OSBPL6: variants seen among roughly 807,000 people sequenced by gnomAD.
OSBPL6 encodes oxysterol binding protein like 6.
Under a neutral mutation model 125.8 loss-of-function variants are expected in OSBPL6, and 49 were observed. The ratio of observed to expected loss-of-function variants is 0.39; its 90% CI spans 0.31 to 0.49. The LOEUF (loss-of-function observed/expected upper bound fraction) is 0.49, where lower values mean the gene tolerates loss of function less well. Ranked by LOEUF, OSBPL6 falls within the 20% of genes least tolerant of loss-of-function variation. The pLI, the probability that OSBPL6 is intolerant of heterozygous loss-of-function variation, is 0.88. For synonymous variants in OSBPL6, 394 were observed against 391.8 expected (o/e 1.01, Z -0.07); for missense variants, 986 against 1,135.4 (o/e 0.87, Z 1.89).
chr2:178,304,258 C>T (rs1278708458), intron 2 of OSBPL6, among the ~76,000 whole-genome samples: 1 of 152,084 alleles, frequency 6.6e-6, no homozygotes, highest in East Asian at 1.9e-4. Flanking sequence ...TAAAGACATA[C>T]CCAAGAGCAC....
At chr2:178,214,674 G>C (rs577454681) in intron 1 of OSBPL6, among the ~76,000 whole-genome samples, 21 of 152,136 alleles carry the variant, frequency 1.4e-4, no homozygotes, top group Non-Finnish European at 2.4e-4. Flanking sequence ...AACCAGGCAC[G>C]GTGGCTCATG....
At chr2:178,305,669 C>A (rs1054564193) in intron 2 of OSBPL6, among the ~76,000 whole-genome samples, 4 of 152,152 alleles carry the variant, frequency 2.6e-5, no homozygotes, top group African/African-American at 9.7e-5. Context: ...AAACATGGAC[C>A]GAGCTCTTAT....
intron 4 of OSBPL6, among the ~76,000 whole-genome samples, chr2:178,325,486 T>A (rs1390436134): frequency 1.3e-5 from 2 of 152,298 alleles, no homozygotes; most frequent in African/African-American, 4.8e-5. Flanking sequence ...ACATAAGTGG[T>A]CTGACTTCCA....
chr2:178,306,728 T>C (rs147622104), intron 3 of OSBPL6, among the ~76,000 whole-genome samples: 2 of 152,328 alleles, frequency 1.3e-5, no homozygotes, highest in African/African-American at 4.8e-5. Flanking sequence ...AGGAATTAGG[T>C]TACAGATAAA....
chr2:178,388,864 A>G (rs1695168141), intron 20 of OSBPL6, 145 bp from the exon 21 acceptor site: 1 of 849,924 alleles, frequency 1.2e-6, no homozygotes, highest in South Asian at 2.0e-5. Context: ...TAAATACTTA[A>G]TGACCACAGA....
chr2:178,392,027 C>T (rs971024474), intron 22 of OSBPL6, among the ~76,000 whole-genome samples: 13 of 152,258 alleles, frequency 8.5e-5, no homozygotes, highest in Middle Eastern at 3.4e-3. Flanking sequence ...TTTAGGTCTG[C>T]ATATTTTTCT....
chr2:178,310,683 C>T (rs1325662215), intron 3 of OSBPL6, among the ~76,000 whole-genome samples: 1 of 152,088 alleles, frequency 6.6e-6, no homozygotes, highest in Non-Finnish European at 1.5e-5. Context: ...TCCCAAAGTG[C>T]GGGGATTACA....
At chr2:178,336,666 G>C (rs1162570080) in intron 9 of OSBPL6, among the ~76,000 whole-genome samples, 1 of 152,100 alleles carries the variant, frequency 6.6e-6, no homozygotes, top group African/African-American at 2.4e-5. Context: ...GTTGAATCTG[G>C]TTCTTGCCTT....
chr2:178,395,259 T>C (rs1695753711), intron 24 of OSBPL6, among the ~76,000 whole-genome samples, 192 bp from the exon 25 acceptor site: 1 of 152,176 alleles, frequency 6.6e-6, no homozygotes, highest in Non-Finnish European at 1.5e-5. Context: ...CCTACTTCCA[T>C]TTCACACATT....
At chr2:178,259,158 T>C (rs148011238) in intron 1 of OSBPL6, among the ~76,000 whole-genome samples, 1 of 152,294 alleles carries the variant, frequency 6.6e-6, no homozygotes, top group East Asian at 1.9e-4. Flanking sequence ...GCTGAGTCAT[T>C]GGCTAATATA....
chr2:178,392,572 A>G (rs1313841765), intron 23 of OSBPL6, 34 bp downstream of exon 23: 3 of 1,609,534 alleles, frequency 1.9e-6, no homozygotes, highest in Non-Finnish European at 2.5e-6. Context: ...TATGCAGACT[A>G]TGGCTGGGTG....
chr2:178,366,317 T>C (rs988604954), intron 13 of OSBPL6, among the ~76,000 whole-genome samples: 1 of 152,226 alleles, frequency 6.6e-6, no homozygotes, highest in African/African-American at 2.4e-5. Flanking sequence ...CTATCTTGAA[T>C]ACATTACATT....
chr2:178,352,705 G>A (rs917453933), intron 12 of OSBPL6, among the ~76,000 whole-genome samples: 3 of 152,172 alleles, frequency 2.0e-5, no homozygotes, highest in Non-Finnish European at 4.4e-5. Context: ...AGACTTAAAC[G>A]TCCCTGTCTG....
chr2:178,232,097 C>A (rs1207780843), intron 1 of OSBPL6, among the ~76,000 whole-genome samples: 2 of 152,052 alleles, frequency 1.3e-5, no homozygotes, highest in Non-Finnish European at 2.9e-5. Context: ...TCTCACTTAG[C>A]CAAAATAATA....
At chr2:178,344,349 G>A in intron 11 of OSBPL6, 1 of 1,614,194 alleles carries the variant, frequency 6.2e-7, no homozygotes, top group South Asian at 1.1e-5. Flanking sequence ...AGCGGCAGCA[G>A]TGGCTACAAC....
intron 14 of OSBPL6, among the ~76,000 whole-genome samples, chr2:178,372,596 G>A (rs1693497667): frequency 6.6e-6 from 1 of 151,714 alleles, no homozygotes; most frequent in Non-Finnish European, 1.5e-5. Context: ...AATTAGCTGA[G>A]AAGTTGCCAA....
intron 11 of OSBPL6, among the ~76,000 whole-genome samples, chr2:178,344,085 T>G (rs1481812799): frequency 6.6e-6 from 1 of 152,174 alleles, no homozygotes; most frequent in Non-Finnish European, 1.5e-5. Context: ...CAAATAGAAT[T>G]CAGATGTTTG....
intron 1 of OSBPL6, among the ~76,000 whole-genome samples, chr2:178,243,841 T>C (rs781576033): frequency 3.9e-5 from 6 of 152,028 alleles, no homozygotes; most frequent in Non-Finnish European, 8.8e-5. Context: ...TTAGTAGAGA[T>C]GGGGTTTCAC....
Position 178,383,283 on chromosome 2 carries a change from AAAT to A in OSBPL6, c.1875+9_1875+11del. The A allele has an allele frequency of 1.2e-6, 2 of 1,613,322 alleles. No homozygotes were observed. Among genetic ancestry groups the A allele is most frequent in the Non-Finnish European group, 1.7e-6 (2 of 1,179,748 alleles). ...ATGATCCATATGAGCGCATGGTAATAAATAACTAACAGAGCAGCGCCCCTCAGG... is the reference window on the plus strand; with the variant it reads ...ATGATCCATATGAGCGCATGGTAATAAACTAACAGAGCAGCGCCCCTCAGG... On this transcript the variant is annotated splice_region_variant and intron_variant, in intron 17 of 24. Transcript: ENST00000190611.
Sources: allele counts gnomAD v4.1 joint callset (sites outside exome capture counted in the v4.1 genomes callset), GRCh38; gene constraint gnomAD v4.1.1; transcripts MANE v1.5; gene names NCBI Gene and HGNC (gene_info 2026-07-23, HGNC 2026-07-21).